Variants in BANP observed in about 807,000 individuals in gnomAD.
The protein encoded by BANP is protein BANP.
BANP carries 11 observed loss-of-function variants against 68.1 expected under a neutral mutation model. The ratio of observed to expected loss-of-function variants is 0.16; its 90% CI spans 0.10 to 0.27. The LOEUF (loss-of-function observed/expected upper bound fraction) is 0.27. Among genes scored for constraint, BANP ranks in the 10% least tolerant of loss-of-function variants. The pLI is 1.00. For synonymous variants in BANP, 329 were observed against 303.2 expected (o/e 1.09, Z -0.88); for missense variants, 504 against 722.7 (o/e 0.70, Z 3.47).
rs570206765 is a variant in BANP, at chr16:88,018,924, G to A, written c.895+257G>A. ...TATATATACCTACTGTGTACCCTTA[G>A]AAGGTGAAAAACTCCTCGCCTCCTG... On this transcript the variant is annotated intron_variant, in intron 7 of 13. Transcript: ENST00000682872. This position sits in a 1 kb window ranked among gnomAD's most constrained non-coding sequence, Gnocchi z 7.7. 6.6e-5 allele frequency among the ~76,000 whole-genome samples: 10 copies of A among 152,290 alleles called. No homozygotes were observed. In the South Asian group the frequency reaches 2.1e-3, roughly 32 times the overall value.
intron 11 of BANP, among the ~76,000 whole-genome samples, chr16:88,047,061 G>A (rs1046633354): frequency 7.8e-5 from 11 of 141,852 alleles, no homozygotes; most frequent in African/African-American, 2.0e-4. Flanking sequence ...GCGAGACTCC[G>A]TCTCAAAAAA....
chr16:88,038,167 A>C, intron 11 of BANP, among the ~76,000 whole-genome samples, 156 bp downstream of exon 11: 1 of 134,436 alleles, frequency 7.4e-6, no homozygotes, highest in African/African-American at 2.9e-5. Context: ...GAGGGGTGGG[A>C]CGGTCATTGT....
intron 11 of BANP, 46 bp from the exon 12 acceptor site, chr16:88,065,221 C>T (rs1047019529): frequency 2.9e-6 from 2 of 691,652 alleles, no homozygotes; most frequent in African/African-American, 1.8e-5. Context: ...CAGGGTTGGT[C>T]CTTCTGGAGG....
intron 7 of BANP, among the ~76,000 whole-genome samples, chr16:88,020,994 G>T (rs1306637331): frequency 1.3e-5 from 2 of 152,202 alleles, no homozygotes; most frequent in Non-Finnish European, 2.9e-5. Flanking sequence ...GGGGCAGAAT[G>T]GGGCAGGCTG....
At chr16:88,015,974 G>T (rs1358170115) in intron 6 of BANP, among the ~76,000 whole-genome samples, 2 of 152,202 alleles carry the variant, frequency 1.3e-5, no homozygotes, top group Non-Finnish European at 2.9e-5. Flanking sequence ...GGGTTTGGGA[G>T]TCCGGGGACC....
chr16:87,956,637 C>T (rs1004512705), intron 1 of BANP: 2 of 152,230 alleles, frequency 1.3e-5, no homozygotes, highest in African/African-American at 4.8e-5. Context: ...CGTGGCCTTC[C>T]CAGCCTGCAG....
At chr16:87,953,320 T>C (rs568966157) in intron 1 of BANP, among the ~76,000 whole-genome samples, 5 of 152,238 alleles carry the variant, frequency 3.3e-5, no homozygotes, top group African/African-American at 9.6e-5. Context: ...TTCAAAGAGG[T>C]TTACATCTTG....
intron 9 of BANP, among the ~76,000 whole-genome samples, 167 bp downstream of exon 9, chr16:88,033,412 C>G (rs111338260): frequency 2.0e-5 from 3 of 152,248 alleles, no homozygotes; most frequent in African/African-American, 7.2e-5. Flanking sequence ...GCCATGAGCT[C>G]TTAACATTTC....
At chr16:88,028,649 T>G (rs7200351) in intron 8 of BANP, among the ~76,000 whole-genome samples, 36,070 of 151,882 alleles carry the variant, frequency 0.24, 4,967 homozygotes, top group East Asian at 0.59. Context: ...GCCTTGGGAC[T>G]TGAGAGAGGT....
intron 13 of BANP, among the ~76,000 whole-genome samples, 164 bp from the exon 14 acceptor site, chr16:88,076,426 C>T (rs925790194): frequency 1.3e-5 from 2 of 152,202 alleles, no homozygotes; most frequent in African/African-American, 2.4e-5. Flanking sequence ...GGGAGCCAGG[C>T]GTTGTGTACC....
rs538174419 is a variant in BANP at position 87,968,731 on chromosome 16, C to T, written c.-68-6317C>T. ...GGTTTCTGCTTCCCTGGAGCAGCTC[C>T]GAAGGCTGAGCAAGATCCCAGTGTT... On this transcript the variant is annotated intron_variant, in intron 1 of 13. Transcript: ENST00000682872. Among the ~76,000 whole-genome samples the T allele has an allele frequency of 9.9e-5, 15 of 152,134 alleles. No individual in the cohort carries two copies. In the East Asian group the frequency reaches 2.7e-3, roughly 28 times the overall value.
chr16:88,031,473 T>C (rs2078151455), intron 8 of BANP, among the ~76,000 whole-genome samples: 1 of 151,800 alleles, frequency 6.6e-6, no homozygotes, highest in Non-Finnish European at 1.5e-5. Context: ...GTGAAATCCC[T>C]TCTCTACAAA....
Position 88,033,164 on chromosome 16 carries a change from G to A in BANP, c.1119G>A (p.Gln373=), listed in dbSNP as rs1305948023. Residue 373 remains glutamine, a synonymous_variant, in exon 9 of 14, where the codon CAG becomes CAA. Transcript: ENST00000682872. ...PASELPQPQP[Q]PQALHYALAN... is the part of the protein sequence containing the mutation. ...GCGAGCTCCCGCAGCCACAGCCGCA[G>A]CCGCAGGCCCTGCACTACGCGCTGG... is the stretch of plus-strand genomic sequence containing the variant. 6.2e-7 allele frequency: 1 copy of A among 1,611,480 alleles called. No homozygotes were observed. The highest frequency in any genetic ancestry group is 8.5e-7 in the Non-Finnish European group (1 of 1,178,022).
At chr16:88,017,688 C>T (rs1237385694) in intron 6 of BANP, among the ~76,000 whole-genome samples, 3 of 152,168 alleles carry the variant, frequency 2.0e-5, no homozygotes, top group Non-Finnish European at 4.4e-5. Context: ...CCCACTCCAT[C>T]GTCACAGGAG....
rs1361605954 is a variant in BANP at position 88,018,093 on chromosome 16, A to G, written c.656-335A>G. Among the ~76,000 whole-genome samples, 5 of 151,964 alleles carry G rather than the reference A, an allele frequency of 3.3e-5. No homozygotes were observed. Among genetic ancestry groups the G allele is most frequent in the Admixed American group, 2.6e-4 (4 of 15,258 alleles). ...CTGCAGGTGGCTGGGGCAGGTACCA[A>G]CTGTGTGCAAGGATATCGGTATTGC... On this transcript the variant is annotated intron_variant, in intron 6 of 13. Coordinates refer to ENST00000682872, the MANE Select transcript of BANP (RefSeq NM_001386991.1). This position sits in a 1 kb window ranked among gnomAD's most constrained non-coding sequence, Gnocchi z 7.7.
In BANP at chr16:88,065,340, C is replaced by A; in HGVS notation, c.1377+8C>A. ...AAAGCCAGCAGTGGCCAGGTGAGTCCTTTGTACATCCCATCTCTCCCACCC... is the reference window on the plus strand; with the variant it reads ...AAAGCCAGCAGTGGCCAGGTGAGTCATTTGTACATCCCATCTCTCCCACCC... On this transcript the variant is annotated splice_region_variant and intron_variant, in intron 12 of 13. Transcript: ENST00000682872. 1.3e-6 allele frequency: 1 copy of A among 769,254 alleles called. No homozygotes were observed. 47.7% of individuals were successfully genotyped at this position (769,254 alleles called of 1,614,324 possible).
chr16:87,958,729 C>A (rs535888897), intron 1 of BANP, among the ~76,000 whole-genome samples: 1 of 152,286 alleles, frequency 6.6e-6, no homozygotes, highest in East Asian at 1.9e-4. Context: ...AAACTATTCC[C>A]GTTAAGCCGC....
In BANP at chr16:88,018,862, G is replaced by A. The variant is rs1022025104; in HGVS notation, c.895+195G>A. On this transcript the variant is annotated intron_variant, in intron 7 of 13. Transcript: ENST00000682872. This position sits in a 1 kb window ranked among gnomAD's most constrained non-coding sequence, Gnocchi z 7.7. The stretch of plus-strand genomic sequence containing the variant: ...TGACCCTGATGTGCTTATTACGCAC[G>A]GCATGCCCGCACCAAAATACCTCAT... Among the ~76,000 whole-genome samples, 2 of 152,202 alleles carry A rather than the reference G, an allele frequency of 1.3e-5. No individual in the cohort carries two copies. Among genetic ancestry groups the A allele is most frequent in the African/African-American group, 2.4e-5 (1 of 41,456 alleles).
At chr16:87,983,924 G>T in intron 3 of BANP, 136 bp from the exon 4 acceptor site, 1 of 1,350,380 alleles carries the variant, frequency 7.4e-7, no homozygotes, top group Non-Finnish European at 1.0e-6. Context: ...ATAGCTCACG[G>T]GCTATTTCCA....
Sources: gnomAD v4.1 joint callset for allele counts (sites outside exome capture counted in the v4.1 genomes callset) on GRCh38, gnomAD v4.1.1 for gene constraint, Gnocchi (gnomAD v3.1) non-coding constraint, MANE v1.5 for transcripts, NCBI Gene and HGNC (gene_info 2026-07-23, HGNC 2026-07-21) for gene names.